Variants in RNLS observed in about 807,000 individuals in gnomAD.
The protein encoded by RNLS is renalase.
RNLS carries 39 observed loss-of-function variants against 39.8 expected under a neutral mutation model. The observed-to-expected ratio is 0.98, with a 90% CI of 0.76 to 1.28. The LOEUF is 1.28. Among genes scored for constraint, RNLS ranks in the 50% most tolerant of loss-of-function variants. The probability of loss-of-function intolerance (pLI) is 0.00; values close to 1 mark genes in which losing one functional copy is unlikely to be tolerated. For synonymous variants in RNLS, 147 were observed against 150.7 expected (o/e 0.98, Z 0.18); for missense variants, 410 against 413.3 (o/e 0.99, Z 0.07).
intron 4 of RNLS, among the ~76,000 whole-genome samples, chr10:88,445,878 C>A (rs553383598): frequency 2.3e-4 from 35 of 152,230 alleles, no homozygotes; most frequent in African/African-American, 8.2e-4. Flanking sequence ...AACTTTAATA[C>A]CCCACTGTCA....
At chr10:88,354,359 G>C (rs1317988671) in intron 5 of RNLS, among the ~76,000 whole-genome samples, 5 of 152,166 alleles carry the variant, frequency 3.3e-5, no homozygotes, top group Non-Finnish European at 1.5e-5. Context: ...GGTACCAGTT[G>C]TTCCTTTCCA....
At chr10:88,583,027 G>GC in intron 1 of RNLS, 46 bp downstream of exon 1, 1 of 1,592,798 alleles carries the variant, frequency 6.3e-7, no homozygotes, top group Non-Finnish European at 8.6e-7. Context: ...TCAGCAGCCT[G>GC]CCCGGCAGTC....
In RNLS at chr10:88,550,710, A is replaced by G. The variant is rs536322202; in HGVS notation, c.526+22193T>C. On this transcript the variant is annotated intron_variant, in intron 4 of 6. Coordinates refer to ENST00000331772, the MANE Select transcript of RNLS (RefSeq NM_001031709.3). ...TCTCACTCACCCACATTAACATTTT[A>G]TAAACACATTTTCTGATATCTACAT... Among the ~76,000 whole-genome samples, 79 of 152,344 alleles carry G rather than the reference A, an allele frequency of 5.2e-4. 3 individuals are homozygous for G. In the South Asian group the frequency reaches 0.016, roughly 31 times the overall value.
intron 6 of RNLS, among the ~76,000 whole-genome samples, chr10:88,287,024 A>G (rs893281929): frequency 1.3e-4 from 20 of 152,034 alleles, no homozygotes; most frequent in African/African-American, 4.8e-4. Context: ...CCTGGCCTCA[A>G]GCTATTCTCC....
intron 4 of RNLS, among the ~76,000 whole-genome samples, chr10:88,539,482 G>T (rs1847936672): frequency 6.6e-6 from 1 of 151,908 alleles, no homozygotes; most frequent in Non-Finnish European, 1.5e-5. Context: ...CTTTTCCATG[G>T]GACACCAAGC....
chr10:88,208,695 A>C, the RNLS span, among the ~76,000 whole-genome samples: 1 of 152,118 alleles, frequency 6.6e-6, no homozygotes, highest in African/African-American at 2.4e-5. Context: ...AAGAAGTATA[A>C]ATGCTGCTTA....
chr10:88,211,833 G>C, the RNLS span, among the ~76,000 whole-genome samples: 1 of 152,134 alleles, frequency 6.6e-6, no homozygotes, highest in Non-Finnish European at 1.5e-5. Flanking sequence ...AAACTGATAA[G>C]ATTTGCCTTT....
At chr10:88,335,237 C>A (rs7096330) in intron 5 of RNLS, among the ~76,000 whole-genome samples, 3 of 146,472 alleles carry the variant, frequency 2.0e-5, no homozygotes, top group Non-Finnish European at 4.5e-5. Context: ...TTTTTCTTTG[C>A]GACAATGTCT....
At chr10:88,306,854 C>T (rs1246771344) in intron 6 of RNLS, among the ~76,000 whole-genome samples, 5 of 152,234 alleles carry the variant, frequency 3.3e-5, no homozygotes, top group Non-Finnish European at 5.9e-5. Flanking sequence ...GATACCAAAA[C>T]GTAGCACAGA....
chr10:88,304,159 A>T (rs1844747251), intron 6 of RNLS, among the ~76,000 whole-genome samples: 1 of 152,202 alleles, frequency 6.6e-6, no homozygotes, highest in Non-Finnish European at 1.5e-5. Context: ...TCAAACTCTC[A>T]AGGTCATCAA....
At chr10:88,456,120 T>C (rs1382087485) in intron 4 of RNLS, among the ~76,000 whole-genome samples, 1 of 152,164 alleles carries the variant, frequency 6.6e-6, no homozygotes, top group East Asian at 1.9e-4. Context: ...GTTTTCTGTT[T>C]CAACTAAGCA....
intron 4 of RNLS, among the ~76,000 whole-genome samples, chr10:88,531,248 T>C (rs1454973436): frequency 6.6e-6 from 1 of 151,722 alleles, no homozygotes; most frequent in East Asian, 1.9e-4. Flanking sequence ...TTCCTACAAG[T>C]TTGTAGGTAT....
intron 3 of RNLS, among the ~76,000 whole-genome samples, chr10:88,578,443 A>C (rs1850334528): frequency 1.3e-5 from 2 of 152,182 alleles, no homozygotes; most frequent in South Asian, 4.1e-4. Flanking sequence ...GAAAGGTTAA[A>C]GGGACTTAAA....
chr10:88,317,731 AG>A (rs1362896910), intron 5 of RNLS, among the ~76,000 whole-genome samples: 1 of 152,208 alleles, frequency 6.6e-6, no homozygotes, highest in African/African-American at 2.4e-5. Flanking sequence ...GAAAGATCAA[AG>A]TTATCTGTGA....
At chr10:88,333,242 A>C (rs1847245053) in intron 5 of RNLS, among the ~76,000 whole-genome samples, 1 of 152,216 alleles carries the variant, frequency 6.6e-6, no homozygotes, top group Admixed American at 6.5e-5. Context: ...TCTTTAATGG[A>C]AAGATATTAT....
chr10:88,217,766 G>A, the RNLS span, among the ~76,000 whole-genome samples: 1 of 94,560 alleles, frequency 1.1e-5, no homozygotes, highest in Admixed American at 1.0e-4. Context: ...AGGGCTGGGC[G>A]CAGTGGCTCA....
At chr10:88,308,690 A>C (rs955685365) in intron 6 of RNLS, among the ~76,000 whole-genome samples, 3 of 152,204 alleles carry the variant, frequency 2.0e-5, no homozygotes, top group Non-Finnish European at 4.4e-5. Context: ...AATTAGTTCA[A>C]CCATTGTGGA....
At chr10:88,522,510 A>G (rs1344206223) in intron 4 of RNLS, among the ~76,000 whole-genome samples, 1 of 152,118 alleles carries the variant, frequency 6.6e-6, no homozygotes, top group Non-Finnish European at 1.5e-5. Flanking sequence ...GTTAAATACA[A>G]GCCAATGATG....
chr10:88,403,714 T>G (rs1307436478), intron 4 of RNLS, among the ~76,000 whole-genome samples: 1 of 151,906 alleles, frequency 6.6e-6, no homozygotes, highest in Non-Finnish European at 1.5e-5. Flanking sequence ...TTTTCCTGGC[T>G]AACTAAAATA....
Sources: gnomAD v4.1 joint callset for allele counts (sites outside exome capture counted in the v4.1 genomes callset) on GRCh38, gnomAD v4.1.1 for gene constraint, MANE v1.5 for transcripts, NCBI Gene and HGNC (gene_info 2026-07-23, HGNC 2026-07-21) for gene names.